The following ASIC2 variants were observed in gnomAD, a reference collection of about 807,000 sequenced individuals.
ASIC2 encodes acid sensing ion channel subunit 2.
Under a neutral mutation model 57.3 loss-of-function variants are expected in ASIC2, and 25 were observed. The observed-to-expected ratio is 0.44, with a 90% CI of 0.32 to 0.61. The LOEUF (loss-of-function observed/expected upper bound fraction) is 0.61. ASIC2 is among the 20% of genes least tolerant of loss of function. The pLI is 0.06. For synonymous variants in ASIC2, 319 were observed against 307.5 expected (o/e 1.04, Z -0.39); for missense variants, 641 against 738.1 (o/e 0.87, Z 1.52).
chr17:33,841,467 A>C (rs1394022255), intron 1 of ASIC2, among the ~76,000 whole-genome samples: 1 of 152,248 alleles, frequency 6.6e-6, no homozygotes, highest in Non-Finnish European at 1.5e-5. Flanking sequence ...CAGGTGTGCC[A>C]GGCTGCCAAA....
chr17:33,945,100 C>T (rs1280863295), intron 1 of ASIC2, among the ~76,000 whole-genome samples: 1 of 152,208 alleles, frequency 6.6e-6, no homozygotes, highest in Non-Finnish European at 1.5e-5. Context: ...AAGACAGAGG[C>T]TGATGCCAGG....
At chr17:33,155,023 T>TGGC (rs898670784) in intron 1 of ASIC2, among the ~76,000 whole-genome samples, 6 of 152,308 alleles carry the variant, frequency 3.9e-5, no homozygotes, top group African/African-American at 1.4e-4. Flanking sequence ...GCTGAGTTGT[T>TGGC]GGCGGCGGCG....
intron 1 of ASIC2, among the ~76,000 whole-genome samples, chr17:33,217,652 C>T (rs1038292898): frequency 2.6e-5 from 4 of 152,214 alleles, no homozygotes; most frequent in Non-Finnish European, 4.4e-5. Flanking sequence ...CCCAGACTAA[C>T]TCCAGTCAGA....
At chr17:33,707,900 G>A (rs1307589073) in intron 1 of ASIC2, among the ~76,000 whole-genome samples, 1 of 152,092 alleles carries the variant, frequency 6.6e-6, no homozygotes, top group African/African-American at 2.4e-5. Context: ...CTCTCTGTTG[G>A]GTCAGCTTGA....
intron 1 of ASIC2, among the ~76,000 whole-genome samples, chr17:33,753,066 C>T (rs1481337808): frequency 6.6e-6 from 1 of 152,106 alleles, no homozygotes; most frequent in Non-Finnish European, 1.5e-5. Context: ...TCAAGATGTC[C>T]TTTAATAGGT....
chr17:33,218,467 G>A (rs566849090), intron 1 of ASIC2, among the ~76,000 whole-genome samples: 5 of 152,264 alleles, frequency 3.3e-5, no homozygotes, highest in African/African-American at 1.2e-4. Flanking sequence ...ATAAGTCTCC[G>A]CTTCACCTTC....
chr17:33,098,990 A>AAAACAAAATATATATATATAT (rs2092197944), intron 2 of ASIC2, among the ~76,000 whole-genome samples: 1 of 150,208 alleles, frequency 6.7e-6, no homozygotes, highest in Non-Finnish European at 1.5e-5. Flanking sequence ...TATATATATA[A>AAAACAAAATATATATATATAT]AAACAAAATA....
intron 9 of ASIC2, among the ~76,000 whole-genome samples, chr17:33,015,253 T>C (rs766042418): frequency 2.4e-4 from 37 of 152,120 alleles, no homozygotes; most frequent in Non-Finnish European, 1.2e-4. Context: ...CAAGGCTGGA[T>C]GGGGAAAGCT....
At chr17:34,094,051 C>T (rs1430497469) in intron 1 of ASIC2, among the ~76,000 whole-genome samples, 5 of 152,228 alleles carry the variant, frequency 3.3e-5, no homozygotes, top group Non-Finnish European at 5.9e-5. Flanking sequence ...TGGATATTGA[C>T]AGGAGGAAGA....
chr17:33,642,969 C>G (rs1044944346), intron 1 of ASIC2, among the ~76,000 whole-genome samples: 1 of 152,186 alleles, frequency 6.6e-6, no homozygotes, highest in Non-Finnish European at 1.5e-5. Context: ...AATTTGTTGA[C>G]CAGGGTGGGT....
chr17:33,519,811 C>T (rs890093743), intron 1 of ASIC2, among the ~76,000 whole-genome samples: 3 of 152,218 alleles, frequency 2.0e-5, no homozygotes, highest in African/African-American at 2.4e-5. Flanking sequence ...AGGCCACCCA[C>T]GCAGGTTGCT....
intron 1 of ASIC2, among the ~76,000 whole-genome samples, chr17:33,865,720 C>CAGGTT (rs1914214792): frequency 7.2e-6 from 1 of 139,094 alleles, no homozygotes; most frequent in African/African-American, 2.7e-5. Flanking sequence ...GCACAATGTG[C>CAGGTT]ACATGTACCC....
chr17:33,101,997 A>G (rs1303188648), intron 2 of ASIC2, among the ~76,000 whole-genome samples: 2 of 152,052 alleles, frequency 1.3e-5, no homozygotes, highest in African/African-American at 4.8e-5. Flanking sequence ...CACAAGGGCC[A>G]TCCCTTGTGG....
intron 1 of ASIC2, among the ~76,000 whole-genome samples, chr17:33,685,011 C>T (rs914032072): frequency 6.6e-6 from 1 of 152,168 alleles, no homozygotes; most frequent in South Asian, 2.1e-4. Flanking sequence ...GGATTGTCTT[C>T]CCCCTCCAGC....
intron 1 of ASIC2, among the ~76,000 whole-genome samples, chr17:33,983,682 C>G (rs1368996500): frequency 6.6e-6 from 1 of 152,164 alleles, no homozygotes; most frequent in Non-Finnish European, 1.5e-5. Flanking sequence ...TGCTTGGTTT[C>G]TGGACTGAGA....
At chr17:33,350,044 C>T (rs452439) in intron 1 of ASIC2, among the ~76,000 whole-genome samples, 39,776 of 152,114 alleles carry the variant, frequency 0.26, 7,080 homozygotes, top group African/African-American at 0.51. Context: ...TGGTAGTGTT[C>T]CAAGAAAGAC....
intron 1 of ASIC2, chr17:34,155,573 A>ACACACGCACACG (rs568709723): frequency 5.2e-6 from 1 of 192,208 alleles, no homozygotes; most frequent in Admixed American, 5.6e-5. Context: ...AGAGAGAGAC[A>ACACACGCACACG]CACACGCACA....
chr17:33,324,939 T>C (rs576103999), intron 1 of ASIC2, among the ~76,000 whole-genome samples: 1 of 152,142 alleles, frequency 6.6e-6, no homozygotes, highest in Non-Finnish European at 1.5e-5. Context: ...TCCCTGACAG[T>C]CTGGGATTCC....
At chr17:33,341,187 A>T (rs1380997556) in intron 1 of ASIC2, among the ~76,000 whole-genome samples, 1 of 152,216 alleles carries the variant, frequency 6.6e-6, no homozygotes, top group East Asian at 1.9e-4. Flanking sequence ...AAACCTTCAC[A>T]TTCCCAGACC....
Sources: allele counts gnomAD v4.1 joint callset (sites outside exome capture counted in the v4.1 genomes callset), GRCh38; gene constraint gnomAD v4.1.1; transcripts MANE v1.5; gene names NCBI Gene and HGNC (gene_info 2026-07-23, HGNC 2026-07-21).